SLC17A6: variants seen among roughly 807,000 people sequenced by gnomAD.
The protein encoded by SLC17A6 is solute carrier family 17 member 6, also known as vesicular glutamate transporter 2.
Under a neutral mutation model 67.1 loss-of-function variants are expected in SLC17A6, and 35 were observed. The observed-to-expected ratio is 0.52, with a 90% CI of 0.40 to 0.69. The LOEUF is 0.69. Ranked by LOEUF, SLC17A6 falls within the 30% of genes least tolerant of loss-of-function variation. The pLI is 0.00. For synonymous variants in SLC17A6, 285 were observed against 252.3 expected, an observed-to-expected ratio of 1.13 and a Z score of -1.23; for missense variants, 588 against 723.9, an observed-to-expected ratio of 0.81 and a Z score of 2.15.
intron 3 of SLC17A6, among the ~76,000 whole-genome samples, chr11:22,349,963 C>T (rs539258536): frequency 7.2e-5 from 11 of 152,248 alleles, no homozygotes; most frequent in African/African-American, 2.4e-4. Flanking sequence ...CAATCCACTG[C>T]CCAAATGGAA....
At chr11:22,370,245 C>T (rs902875745) in intron 8 of SLC17A6, 57 bp downstream of exon 8, 1 of 1,449,364 alleles carries the variant, frequency 6.9e-7, no homozygotes, top group African/African-American at 1.5e-5. Flanking sequence ...TAAGTGAATA[C>T]TAAATTCATT....
At chr11:22,376,979 T>C (rs1856238938) in intron 11 of SLC17A6, among the ~76,000 whole-genome samples, 1 of 152,210 alleles carries the variant, frequency 6.6e-6, no homozygotes, top group Non-Finnish European at 1.5e-5. Flanking sequence ...TTCTGAGCTT[T>C]GTTTGTAAAC....
rs189282223 is a variant in SLC17A6 at position 22,344,967 on chromosome 11, T to A, written c.458+1602T>A. On this transcript the variant is annotated intron_variant, in intron 3 of 11. Transcript: ENST00000263160. ...CTAAACATACATGCATGGAATGTTT[T>A]CACTGCAGGAGAAAAAAAAATCCAA... is the stretch of plus-strand genomic sequence containing the variant. 5.2e-3 allele frequency among the ~76,000 whole-genome samples: 787 copies of A among 152,174 alleles called. 4 individuals carry two copies. The highest frequency in any genetic ancestry group is 8.4e-3 in the Admixed American group (129 of 15,294).
intron 3 of SLC17A6, among the ~76,000 whole-genome samples, chr11:22,344,122 C>T (rs1199734989): frequency 6.6e-6 from 1 of 152,186 alleles, no homozygotes; most frequent in Non-Finnish European, 1.5e-5. Flanking sequence ...CTTTGCTTCA[C>T]TGTGTGTACA....
intron 9 of SLC17A6, among the ~76,000 whole-genome samples, chr11:22,375,388 A>C (rs978810630): frequency 3.3e-5 from 5 of 152,096 alleles, no homozygotes; most frequent in African/African-American, 1.2e-4. Context: ...ATAAAAATAA[A>C]AAAAATAAAT....
At chr11:22,339,892 A>T (rs2133855998) in intron 1 of SLC17A6, among the ~76,000 whole-genome samples, 1 of 126,382 alleles carries the variant, frequency 7.9e-6, no homozygotes, top group South Asian at 2.7e-4. Context: ...GAGCACACGA[A>T]GCAAATGCAG....
At chr11:22,375,583 C>T (rs1057077602) in intron 9 of SLC17A6, among the ~76,000 whole-genome samples, 8 of 151,680 alleles carry the variant, frequency 5.3e-5, no homozygotes, top group African/African-American at 1.9e-4. Flanking sequence ...CGGGTTCAAG[C>T]GATTCTCTTG....
At chr11:22,361,469 A>C (rs1029743402) in intron 5 of SLC17A6, among the ~76,000 whole-genome samples, 1 of 152,136 alleles carries the variant, frequency 6.6e-6, no homozygotes, top group Non-Finnish European at 1.5e-5. Flanking sequence ...ATACAGCTAT[A>C]TGTTTGAATT....
chr11:22,366,109 C>T (rs903720134), intron 7 of SLC17A6, among the ~76,000 whole-genome samples: 8 of 152,032 alleles, frequency 5.3e-5, no homozygotes, highest in Non-Finnish European at 1.2e-4. Flanking sequence ...CAAGACCCCC[C>T]GGGTTGCTAC....
chr11:22,353,634 C>G (rs981442258), intron 3 of SLC17A6, among the ~76,000 whole-genome samples: 2 of 152,192 alleles, frequency 1.3e-5, no homozygotes, highest in Non-Finnish European at 2.9e-5. Context: ...TAAGAATGGT[C>G]AAAAGCAGAA....
At chr11:22,364,860 G>A (rs1405340745) in intron 6 of SLC17A6, among the ~76,000 whole-genome samples, 1 of 152,068 alleles carries the variant, frequency 6.6e-6, no homozygotes, top group East Asian at 1.9e-4. Flanking sequence ...GGATGAAAAA[G>A]GATTTACAGC....
chr11:22,343,212 C>T (rs2278751), intron 2 of SLC17A6, 35 bp from the exon 3 acceptor site: 662,236 of 1,560,242 alleles, frequency 0.42, 149,013 homozygotes, highest in Middle Eastern at 0.48. Flanking sequence ...TGACTCTACT[C>T]TTTCCCTTCA....
At chr11:22,366,185 G>T (rs1387574688) in intron 7 of SLC17A6, among the ~76,000 whole-genome samples, 1 of 151,874 alleles carries the variant, frequency 6.6e-6, no homozygotes. Flanking sequence ...GTATAAATTG[G>T]GTATAGTAAG....
rs1417365734 is a variant in SLC17A6 at position 22,339,166 on chromosome 11, T to TTA, written c.86+557_86+558dup. 1.2e-3 allele frequency among the ~76,000 whole-genome samples: 59 copies of TTA among 48,946 alleles called. 9 individuals carry two copies. Among genetic ancestry groups the TTA allele is most frequent in the East Asian group, 5.0e-3 (5 of 1,008 alleles). The allele number at this position is 48,946 out of a possible 152,430, so 32.1% of individuals were successfully genotyped here. A position where few individuals can be genotyped will look rare whatever the true frequency, so the allele number is the denominator to read the frequency against. ...TGTTATATATAGTTATATATATATG[T>TTA]TATATATATATGTTTTATATATATA... On this transcript the variant is annotated intron_variant, in intron 1 of 11. Transcript: ENST00000263160.
chr11:22,365,992 T>C (rs1425896666), intron 7 of SLC17A6, among the ~76,000 whole-genome samples: 3 of 151,854 alleles, frequency 2.0e-5, no homozygotes, highest in African/African-American at 4.8e-5. Flanking sequence ...ACAAATACAA[T>C]AAATAGTTGT....
chr11:22,339,151 A>ATTTTATATATATAT (rs57725309), intron 1 of SLC17A6, among the ~76,000 whole-genome samples: 1 of 29,796 alleles, frequency 3.4e-5, no homozygotes, highest in Non-Finnish European at 5.7e-5. Context: ...TGTTATATAT[A>ATTTTATATATATAT]GTTATATATA....
intron 3 of SLC17A6, among the ~76,000 whole-genome samples, chr11:22,344,071 C>G (rs909616810): frequency 6.6e-6 from 1 of 152,046 alleles, no homozygotes; most frequent in African/African-American, 2.4e-5. Flanking sequence ...GTGGAGGTGT[C>G]GAGGGGCACG....
chr11:22,338,554 G>A lies in SLC17A6; in HGVS notation c.21G>A (p.Arg7=), dbSNP rs757004482. The change falls in exon 1 of 12, where the codon AGG becomes AGA. Residue 7 remains arginine (R), a synonymous_variant. Transcript: ENST00000263160. MESVKQ[R]ILAPGKEGLK... ...CAAGAATGGAATCCGTAAAACAAAG[G>A]ATTTTGGCCCCAGGAAAAGAGGGGC... The A allele has an allele frequency of 5.0e-6, 8 of 1,613,296 alleles. No individual in the cohort carries two copies. The highest frequency in any genetic ancestry group is 5.9e-6 in the Non-Finnish European group (7 of 1,179,570).
intron 1 of SLC17A6, among the ~76,000 whole-genome samples, chr11:22,339,157 A>ATATATATTTTT (rs1855780246): frequency 3.0e-5 from 1 of 32,970 alleles, no homozygotes; most frequent in African/African-American, 1.6e-4. Flanking sequence ...ATATAGTTAT[A>ATATATATTTTT]TATATATGTT....
Sources: allele counts gnomAD v4.1 joint callset (sites outside exome capture counted in the v4.1 genomes callset), GRCh38; gene constraint gnomAD v4.1.1; transcripts MANE v1.5; gene names NCBI Gene and HGNC (gene_info 2026-07-23, HGNC 2026-07-21).